Variants in DDX4 observed in about 807,000 individuals in gnomAD.
DDX4 encodes probable ATP-dependent RNA helicase DDX4.
A neutral mutation model predicts 100.0 loss-of-function variants in DDX4; 25 were observed. The observed-to-expected ratio is 0.25, with a 90% CI of 0.18 to 0.35. The LOEUF (loss-of-function observed/expected upper bound fraction) is 0.35, where lower values mean the gene tolerates loss of function less well. DDX4 is among the 10% of genes least tolerant of loss of function. DDX4 has a pLI of 1.00. For missense variants in DDX4, 635 were observed against 882.4 expected (o/e 0.72, Z 3.55); for synonymous variants, 259 against 275.7 (o/e 0.94, Z 0.60).
chr5:55,742,796 A>G (rs1047003077), intron 2 of DDX4, among the ~76,000 whole-genome samples: 5 of 152,174 alleles, frequency 3.3e-5, no homozygotes, highest in Non-Finnish European at 7.4e-5. Context: ...ATTGTATTTT[A>G]CTGGAGAAGA....
intron 18 of DDX4, among the ~76,000 whole-genome samples, chr5:55,809,355 T>A (rs1192300537): frequency 6.6e-6 from 1 of 152,156 alleles, no homozygotes; most frequent in Non-Finnish European, 1.5e-5. Context: ...CCCAGTGAGA[T>A]GAACCCGGCA....
chr5:55,816,752 G>A lies in DDX4; in HGVS notation c.*212G>A, dbSNP rs544430942. 34 of 757,256 alleles carry A rather than the reference G, an allele frequency of 4.5e-5. 1 individual carries two copies. In the South Asian group the frequency reaches 9.1e-4, roughly 20 times the overall value. 46.9% of individuals were successfully genotyped at this position (757,256 alleles called of 1,614,324 possible). On this transcript the variant is annotated 3_prime_UTR_variant, in exon 22 of 22. Coordinates refer to ENST00000505374, the MANE Select transcript of DDX4 (RefSeq NM_024415.3). ...GTTACTGATACAAATGGTGTTAACT[G>A]GGAATATTAAAGCATTCTAAATGTC...
chr5:55,804,524 T>G (rs1232710330), intron 18 of DDX4, among the ~76,000 whole-genome samples: 3 of 152,240 alleles, frequency 2.0e-5, no homozygotes, highest in Non-Finnish European at 2.9e-5. Flanking sequence ...GGGATCCAGT[T>G]TCAGCTTTCT....
intron 2 of DDX4, 95 bp downstream of exon 2, chr5:55,739,127 A>C (rs7724135): frequency 4.1e-5 from 31 of 756,980 alleles, no homozygotes; most frequent in Non-Finnish European, 6.9e-5. Flanking sequence ...AGTCTGTGTC[A>C]GTGTTTATCT....
chr5:55,757,864 T>C (rs377668869), intron 3 of DDX4, among the ~76,000 whole-genome samples: 5 of 152,110 alleles, frequency 3.3e-5, no homozygotes, highest in East Asian at 3.9e-4. Context: ...GCCAATGTGG[T>C]GAAACCCTGT....
At chr5:55,788,854 C>G (rs1742387281) in intron 15 of DDX4, among the ~76,000 whole-genome samples, 1 of 152,010 alleles carries the variant, frequency 6.6e-6, no homozygotes, top group East Asian at 1.9e-4. Context: ...TAGCTTGAGC[C>G]CAGGAGTTCA....
chr5:55,791,623 G>A (rs1229976872), intron 16 of DDX4, among the ~76,000 whole-genome samples: 1 of 152,094 alleles, frequency 6.6e-6, no homozygotes, highest in African/African-American at 2.4e-5. Flanking sequence ...CATGCTGTTA[G>A]GATATTTTCT....
chr5:55,746,664 A>G (rs1759264629), intron 3 of DDX4, among the ~76,000 whole-genome samples: 1 of 152,190 alleles, frequency 6.6e-6, no homozygotes, highest in Non-Finnish European at 1.5e-5. Context: ...TAATTTGGGA[A>G]AGGTCTTAGG....
At chr5:55,814,254 C>T (rs1362195241) in intron 19 of DDX4, among the ~76,000 whole-genome samples, 1 of 152,118 alleles carries the variant, frequency 6.6e-6, no homozygotes, top group African/African-American at 2.4e-5. Context: ...AGCAAGCATT[C>T]TAATCAAGTA....
intron 2 of DDX4, 116 bp from the exon 3 acceptor site, chr5:55,746,048 A>G: frequency 6.6e-6 from 5 of 753,542 alleles, no homozygotes; most frequent in Non-Finnish European, 8.6e-6. Context: ...CTTACAGTCT[A>G]TCATTATTTT....
At chr5:55,739,140 A>C in intron 2 of DDX4, 108 bp downstream of exon 2, 6 of 706,398 alleles carry the variant, frequency 8.5e-6, no homozygotes, top group Admixed American at 2.5e-5. Flanking sequence ...GTTTATCTCC[A>C]TGTGATTGTT....
chr5:55,763,130 C>G, intron 4 of DDX4, 45 bp from the exon 5 acceptor site: 1 of 1,278,772 alleles, frequency 7.8e-7, no homozygotes. Context: ...TGATGACACA[C>G]TTAATTTTAT....
chr5:55,743,743 T>A (rs2111575703), intron 2 of DDX4, among the ~76,000 whole-genome samples: 1 of 152,308 alleles, frequency 6.6e-6, no homozygotes, highest in East Asian at 1.9e-4. Flanking sequence ...TAAGCTTTTT[T>A]AATGATAAAA....
Position 55,808,864 on chromosome 5 carries a change from T to A in DDX4, c.1616-4809T>A, listed in dbSNP as rs186208540. The stretch of plus-strand genomic sequence containing the variant: ...AGGCTGTCAGACAGGGACATTTAAG[T>A]CTGCAGAGGATTCTGCTGCCTTTTG... On this transcript the variant is annotated intron_variant, in intron 18 of 21. Transcript: ENST00000505374. 7.3e-3 allele frequency among the ~76,000 whole-genome samples: 1,107 copies of A among 152,310 alleles called. 13 individuals are homozygous for A. The highest frequency in any genetic ancestry group is 0.025 in the African/African-American group (1,041 of 41,568).
intron 4 of DDX4, among the ~76,000 whole-genome samples, chr5:55,762,421 A>G (rs1740621843): frequency 6.6e-6 from 1 of 152,212 alleles, no homozygotes; most frequent in Non-Finnish European, 1.5e-5. Context: ...GAAGAAGGAT[A>G]AATTATGACT....
At chr5:55,791,246 A>G (rs143311177) in intron 16 of DDX4, among the ~76,000 whole-genome samples, 5 of 152,290 alleles carry the variant, frequency 3.3e-5, no homozygotes, top group South Asian at 2.1e-4. Flanking sequence ...GTATCTCTCA[A>G]TCAGTACTTT....
At position 55,785,891 on chromosome 5, in the gene DDX4, CT is replaced by C. The variant is rs1561502423; in HGVS notation, c.864+21del. 1 of 1,566,672 alleles carries C rather than the reference CT, an allele frequency of 6.4e-7. No individual in the cohort carries two copies. The highest frequency in any genetic ancestry group is 8.8e-7 in the Non-Finnish European group (1 of 1,138,040). ...ATTCTGGTCAGTGTATTAATTGTTT[CT>C]GTATTAGCTATGTAGCACACTTTGC... On this transcript the variant is annotated intron_variant, in intron 13 of 21. Transcript: ENST00000505374.
At position 55,815,354 on chromosome 5, in the gene DDX4, T is replaced by C; in HGVS notation, c.2028T>C (p.Phe676=). 6.2e-7 allele frequency: 1 copy of C among 1,613,690 alleles called. No individual in the cohort carries two copies. The highest frequency in any genetic ancestry group is 8.5e-7 in the Non-Finnish European group (1 of 1,179,932). Residue 676 remains phenylalanine, a synonymous_variant, in exon 21 of 22, where the codon TTT becomes TTC. Coordinates refer to ENST00000505374, the MANE Select transcript of DDX4 (RefSeq NM_024415.3). The stretch of plus-strand genomic sequence containing the variant: ...CTGCATGGTTGGAAGAAATTGCCTT[T>C]AGTACATACATTCCTGGCTTCAGTG... ...DVPAWLEEIA[F]STYIPGFSGS...
chr5:55,748,259 C>T (rs1000087669), intron 3 of DDX4, among the ~76,000 whole-genome samples: 7 of 152,186 alleles, frequency 4.6e-5, no homozygotes, highest in African/African-American at 1.7e-4. Context: ...ACCATATAAA[C>T]TCTGTGTGTA....
Sources: gnomAD v4.1 joint callset for allele counts (sites outside exome capture counted in the v4.1 genomes callset) on GRCh38, gnomAD v4.1.1 for gene constraint, MANE v1.5 for transcripts, NCBI Gene and HGNC (gene_info 2026-07-23, HGNC 2026-07-21) for gene names.